Variants in MVP observed in about 807,000 individuals in gnomAD.
MVP encodes the protein lung resistance-related protein.
MVP carries 62 observed loss-of-function variants against 83.5 expected under a neutral mutation model. That is an observed-to-expected ratio of 0.74 (90% confidence interval 0.61 to 0.92). MVP has a LOEUF of 0.92. MVP is among the 40% of genes least tolerant of loss of function. The pLI is 0.00. For synonymous variants in MVP, 505 were observed against 504.1 expected, an observed-to-expected ratio of 1.00 and a Z score of -0.02; for missense variants, 1,000 against 1,203.4, an observed-to-expected ratio of 0.83 and a Z score of 2.50.
At position 29,833,825 on chromosome 16, in the gene MVP, G is replaced by T. The variant is rs755478236; in HGVS notation, c.414G>T (p.Val138=). Residue 138 remains valine (V), a synonymous_variant, in exon 4 of 15, where the codon GTG becomes GTT. Coordinates refer to ENST00000357402, the MANE Select transcript of MVP (RefSeq NM_005115.5). ...DFEDKDGDKV[V]AGDEWLFEGP... The stretch of plus-strand genomic sequence containing the variant: ...AGGATAAAGATGGAGACAAGGTGGT[G>T]GCAGGAGATGAGTGGCTTTTCGAGG... 6.8e-6 allele frequency: 11 copies of T among 1,614,098 alleles called. No homozygotes were observed. The South Asian group carries it at 1.2e-4, about 18-fold the overall frequency.
chr16:29,824,211 CAA>C (rs61338952), intron 1 of MVP, among the ~76,000 whole-genome samples: 12,680 of 38,980 alleles, frequency 0.33, 543 homozygotes, highest in Non-Finnish European at 0.38. Context: ...AACTCCATCT[CAA>C]AAAAAAAAAA....
In MVP at chr16:29,830,939, A is replaced by G. The variant is rs1268096165; in HGVS notation, c.187A>G (p.Asn63Asp). 6.2e-7 allele frequency: 1 copy of G among 1,613,728 alleles called. No individual in the cohort carries two copies. Among genetic ancestry groups the G allele is most frequent in the African/African-American group, 1.3e-5 (1 of 74,814 alleles). The part of the protein sequence containing the change: ...VPPRHYCTVA[N>D]PVSRDAQGLV... ...CCCACGTCACTACTGCACAGTGGCC[A>G]ACCCTGTGTCTCGGGATGCCCAGGG... Residue 63 changes from asparagine to aspartate, a missense_variant, in exon 3 of 15, where the codon AAC (asparagine) becomes GAC (aspartate). Coordinates refer to ENST00000357402, the MANE Select transcript of MVP (RefSeq NM_005115.5).
intron 10 of MVP, among the ~76,000 whole-genome samples, chr16:29,842,425 C>CCT (rs2150759206): frequency 6.6e-6 from 1 of 152,230 alleles, no homozygotes; most frequent in South Asian, 2.1e-4. Flanking sequence ...CCTGCCTCAA[C>CCT]CTCCCAAGTG....
In MVP at chr16:29,847,400, A is replaced by G. The variant is rs771824213; in HGVS notation, c.2454+15A>G. 4.6e-5 allele frequency: 70 copies of G among 1,528,462 alleles called. No homozygotes were observed. The highest frequency in any genetic ancestry group is 5.4e-5 in the Non-Finnish European group (62 of 1,142,298). 94.7% of individuals were successfully genotyped at this position (1,528,462 alleles called of 1,614,324 possible). ...CTGAGATGCAGGTGAGAGTTGGGGAAGGTGTGTTGGTTTCAGGACCAACCT... is the reference window on the plus strand; with the variant it reads ...CTGAGATGCAGGTGAGAGTTGGGGAGGGTGTGTTGGTTTCAGGACCAACCT... On this transcript the variant is annotated intron_variant, in intron 14 of 14. Coordinates refer to ENST00000357402, the MANE Select transcript of MVP (RefSeq NM_005115.5).
intron 13 of MVP, among the ~76,000 whole-genome samples, chr16:29,846,909 G>A (rs903640284): frequency 5.3e-5 from 8 of 152,050 alleles, no homozygotes; most frequent in East Asian, 1.9e-4. Flanking sequence ...CTAGTGTGGT[G>A]CCTCAGGTCT....
chr16:29,821,199 T>C (rs1596903380), intron 1 of MVP: 1 of 152,056 alleles, frequency 6.6e-6, no homozygotes, highest in Non-Finnish European at 1.5e-5. Context: ...GGGGTGGAGG[T>C]GATAGCGAGG....
Position 29,830,906 on chromosome 16 carries a change from A to G in MVP, c.154A>G (p.Thr52Ala). 1 of 1,612,734 alleles carries G rather than the reference A, an allele frequency of 6.2e-7. No individual in the cohort carries two copies. The change falls in exon 3 of 15, where the codon ACC (threonine) becomes GCC (alanine). Residue 52 changes from threonine (T) to alanine (A), a missense_variant. Transcript: ENST00000357402. ...RVLFAPMRMV[T>A]VPPRHYCTVA... ...ACTGTTTGCCCCCATGCGCATGGTGACCGTCCCCCCACGTCACTACTGCAC... is the reference window on the plus strand; with the variant it reads ...ACTGTTTGCCCCCATGCGCATGGTGGCCGTCCCCCCACGTCACTACTGCAC...
At position 29,842,011 on chromosome 16, in the gene MVP, C is replaced by T; in HGVS notation, c.1533C>T (p.Arg511=). The T allele has an allele frequency of 6.2e-7, 1 of 1,611,998 alleles. No homozygotes were observed. Among genetic ancestry groups the T allele is most frequent in the Non-Finnish European group, 8.5e-7 (1 of 1,180,012 alleles). Residue 511 remains arginine (R), a synonymous_variant, in exon 10 of 15, where the codon CGC becomes CGT. Coordinates refer to ENST00000357402, the MANE Select transcript of MVP (RefSeq NM_005115.5). ...GGCGGCCCAAGCGTCCCCATGCCCG[C>T]CGTGCGCTCTGCCTGCTGCTGGGGC... is the stretch of plus-strand genomic sequence containing the variant. ...SAGRPKRPHA[R]RALCLLLGPD...
In MVP at chr16:29,847,986, C is replaced by A. The variant is rs553766111; in HGVS notation, c.2679C>A (p.Arg893=). The change falls in exon 15 of 15, where the codon CGC becomes CGA. Residue 893 remains arginine (R), a synonymous_variant. Transcript: ENST00000357402. ...PGDNHVVPVL[R] The stretch of plus-strand genomic sequence containing the variant: ...ACAACCACGTGGTGCCTGTACTGCG[C>A]TAACTCCTGATTAATACAATGGAAG... 1.9e-6 allele frequency: 3 copies of A among 1,605,900 alleles called. No individual in the cohort carries two copies. The African/African-American group carries it at 4.0e-5, about 22-fold the overall frequency.
intron 7 of MVP, 64 bp downstream of exon 7, chr16:29,837,022 G>GCC: frequency 6.9e-7 from 1 of 1,459,316 alleles, no homozygotes; most frequent in South Asian, 1.3e-5. Context: ...GTGGCATGAG[G>GCC]CCCTCTGCCT....
intron 1 of MVP, among the ~76,000 whole-genome samples, chr16:29,829,332 AT>A (rs1308138110): frequency 6.6e-6 from 1 of 151,472 alleles, no homozygotes; most frequent in Non-Finnish European, 1.5e-5. Context: ...AAAAAAAAAA[AT>A]TAGCTAGACA....
intron 1 of MVP, among the ~76,000 whole-genome samples, chr16:29,823,531 T>C (rs1282160973): frequency 6.6e-6 from 1 of 151,528 alleles, no homozygotes; most frequent in African/African-American, 2.4e-5. Context: ...AGTGACATTT[T>C]CCCACTGGCT....
intron 10 of MVP, among the ~76,000 whole-genome samples, chr16:29,844,025 C>T (rs1218219824): frequency 6.6e-6 from 1 of 152,222 alleles, no homozygotes; most frequent in African/African-American, 2.4e-5. Flanking sequence ...GGCACTACAA[C>T]ATCATAGTTA....
At position 29,841,551 on chromosome 16, in the gene MVP, C is replaced by T. The variant is rs971951170; in HGVS notation, c.1192-45C>T. On this transcript the variant is annotated intron_variant, in intron 8 of 14. Transcript: ENST00000357402. This position sits in a 1 kb window ranked among gnomAD's most constrained non-coding sequence, Gnocchi z 4.7. ...TGGGACAGCTGGGCGGATCTTCCTC[C>T]CTTCCACCCTTACGGGCAGCTTCCC... 15 of 1,526,818 alleles carry T rather than the reference C, an allele frequency of 9.8e-6. No individual in the cohort carries two copies. The highest frequency in any genetic ancestry group is 1.3e-5 in the Non-Finnish European group (15 of 1,138,022). 94.6% of individuals were successfully genotyped at this position (1,526,818 alleles called of 1,614,324 possible).
At chr16:29,840,118 A>G in intron 7 of MVP, 60 bp from the exon 8 acceptor site, 1 of 1,514,570 alleles carries the variant, frequency 6.6e-7, no homozygotes, top group African/African-American at 1.4e-5. Flanking sequence ...CTGGGGAGGT[A>G]CCATTGGAAG....
intron 7 of MVP, 68 bp downstream of exon 7, chr16:29,837,026 T>C: frequency 7.2e-7 from 1 of 1,398,392 alleles, no homozygotes; most frequent in Non-Finnish European, 9.8e-7. Flanking sequence ...CATGAGGCCC[T>C]CTGCCTTCTC....
chr16:29,831,098 GC>G, intron 3 of MVP, 25 bp downstream of exon 3: 1 of 1,599,062 alleles, frequency 6.3e-7, no homozygotes, highest in Non-Finnish European at 8.5e-7. Flanking sequence ...CACTCCCTAT[GC>G]CCCACCCTAC....
rs61591338 is a variant in MVP, at chr16:29,834,869, ATT to A, written c.578-816_578-815del. The A allele has an allele frequency of 4.3e-3, 382 of 88,914 alleles. 1 individual carries two copies. The highest frequency in any genetic ancestry group is 0.015 in the Middle Eastern group (2 of 134). 5.5% of individuals were successfully genotyped at this position (88,914 alleles called of 1,614,324 possible). On this transcript the variant is annotated intron_variant, in intron 5 of 14. Transcript: ENST00000357402. ...CCCAGCTAATTTTTTTTTTTTTTGT[ATT>A]TTTTTTTTTTTTTTTTTTAGTAGAG...
At chr16:29,830,815 G>A (rs891965210) in intron 2 of MVP, 63 bp from the exon 3 acceptor site, 1 of 1,579,752 alleles carries the variant, frequency 6.3e-7, no homozygotes, top group Non-Finnish European at 8.6e-7. Flanking sequence ...CTCTCATTTG[G>A]TGTCCTCTTT....
Sources: allele counts gnomAD v4.1 joint callset (sites outside exome capture counted in the v4.1 genomes callset), GRCh38; gene constraint gnomAD v4.1.1; non-coding constraint Gnocchi (gnomAD v3.1); transcripts MANE v1.5; gene names NCBI Gene and HGNC (gene_info 2026-07-23, HGNC 2026-07-21).